Variants in XKR4 observed in about 807,000 individuals in gnomAD.
XKR4 encodes the protein XK related 4.
XKR4 carries 12 observed loss-of-function variants against 53.9 expected under a neutral mutation model. The observed-to-expected ratio is 0.22, with a 90% CI of 0.14 to 0.36. The LOEUF is 0.36. Among genes scored for constraint, XKR4 ranks in the 10% least tolerant of loss-of-function variants. XKR4 has a pLI of 1.00. For synonymous variants in XKR4, 354 were observed against 362.4 expected, an observed-to-expected ratio of 0.98 and a Z score of 0.26; for missense variants, 799 against 859.5, an observed-to-expected ratio of 0.93 and a Z score of 0.88.
At chr8:55,266,633 CA>C (rs1481421655) in intron 1 of XKR4, among the ~76,000 whole-genome samples, 1 of 152,044 alleles carries the variant, frequency 6.6e-6, no homozygotes, top group Non-Finnish European at 1.5e-5. Context: ...GCAACCTGTT[CA>C]AGTATGAGAT....
chr8:55,254,531 A>G (rs1818407641), intron 1 of XKR4, among the ~76,000 whole-genome samples: 1 of 152,140 alleles, frequency 6.6e-6, no homozygotes, highest in Non-Finnish European at 1.5e-5. Context: ...GGAACTCGTG[A>G]TCCTTTTTTT....
intron 1 of XKR4, among the ~76,000 whole-genome samples, chr8:55,193,163 G>A (rs560005199): frequency 1.3e-5 from 2 of 151,704 alleles, no homozygotes; most frequent in Non-Finnish European, 2.9e-5. Context: ...CCCATTACCC[G>A]TCGAACTGTG....
intron 2 of XKR4, among the ~76,000 whole-genome samples, chr8:55,485,492 A>T (rs112573620): frequency 1.2e-3 from 182 of 152,306 alleles, no homozygotes; most frequent in African/African-American, 4.2e-3. Context: ...TGAAATGTAA[A>T]ATATAATACT....
intron 1 of XKR4, among the ~76,000 whole-genome samples, chr8:55,221,919 G>C (rs574491623): frequency 6.6e-6 from 1 of 152,320 alleles, no homozygotes; most frequent in African/African-American, 2.4e-5. Flanking sequence ...CTCACCAGAG[G>C]TAGGACTAGA....
chr8:55,178,093 C>T (rs1817257130), intron 1 of XKR4, among the ~76,000 whole-genome samples: 1 of 152,188 alleles, frequency 6.6e-6, no homozygotes, highest in Non-Finnish European at 1.5e-5. Flanking sequence ...TCTGGTTTTT[C>T]CAAGGTCGCT....
chr8:55,201,353 G>A, intron 1 of XKR4, among the ~76,000 whole-genome samples: 1 of 152,210 alleles, frequency 6.6e-6, no homozygotes, highest in Non-Finnish European at 1.5e-5. Context: ...CAATAGGTAT[G>A]GTGACAGCCC....
At chr8:55,408,143 T>TA (rs1211117860) in intron 2 of XKR4, among the ~76,000 whole-genome samples, 1 of 152,072 alleles carries the variant, frequency 6.6e-6, no homozygotes, top group Non-Finnish European at 1.5e-5. Context: ...AGGCAATTAG[T>TA]AAAAAAGGGA....
intron 1 of XKR4, among the ~76,000 whole-genome samples, chr8:55,321,464 G>A (rs138504464): frequency 6.6e-6 from 1 of 152,224 alleles, no homozygotes; most frequent in East Asian, 1.9e-4. Context: ...CTCACGGAGG[G>A]TGTTACTGAG....
At chr8:55,509,476 A>G (rs532547728) in intron 2 of XKR4, among the ~76,000 whole-genome samples, 1 of 152,298 alleles carries the variant, frequency 6.6e-6, no homozygotes, top group South Asian at 2.1e-4. Flanking sequence ...GCCTTCCCAA[A>G]CAGAATTTTG....
chr8:55,311,829 C>CAAAAAAAAAAAAAAAAAAAAAA (rs57826022), intron 1 of XKR4, among the ~76,000 whole-genome samples: 2 of 98,608 alleles, frequency 2.0e-5, no homozygotes, highest in Non-Finnish European at 4.1e-5. Context: ...TGTAATTTAG[C>CAAAAAAAAAAAAAAAAAAAAAA]AAAAAAAAAA....
intron 1 of XKR4, among the ~76,000 whole-genome samples, chr8:55,277,398 T>C (rs1222331454): frequency 1.3e-5 from 2 of 152,220 alleles, no homozygotes; most frequent in Non-Finnish European, 2.9e-5. Context: ...CTAAAATGCT[T>C]GGGACCAAAA....
Position 55,287,910 on chromosome 8 carries a change from C to A in XKR4, c.807-69768C>A, listed in dbSNP as rs116872449. Among the ~76,000 whole-genome samples the A allele has an allele frequency of 9.8e-3, 1,499 of 152,326 alleles. 19 individuals are homozygous for A. Among genetic ancestry groups the A allele is most frequent in the Middle Eastern group, 0.031 (9 of 294 alleles). ...AATAAAGGAACTCTGACTATTAGAA[C>A]CTGACAGAATTTACTTTGCACAAGA... is the stretch of plus-strand genomic sequence containing the variant. On this transcript the variant is annotated intron_variant, in intron 1 of 2. Transcript: ENST00000327381.
intron 1 of XKR4, among the ~76,000 whole-genome samples, chr8:55,326,362 G>T (rs1803292628): frequency 6.6e-6 from 1 of 151,862 alleles, no homozygotes; most frequent in African/African-American, 2.4e-5. Flanking sequence ...TCTTGCAGAT[G>T]AAGAGTTTCA....
Position 55,229,026 on chromosome 8 carries a change from CA to C in XKR4, c.806+125734del, listed in dbSNP as rs538949414. Among the ~76,000 whole-genome samples, 462 of 152,252 alleles carry C rather than the reference CA, an allele frequency of 3.0e-3. 4 individuals are homozygous for C. The highest frequency in any genetic ancestry group is 0.011 in the African/African-American group (441 of 41,550). On this transcript the variant is annotated intron_variant, in intron 1 of 2. Coordinates refer to ENST00000327381, the MANE Select transcript of XKR4 (RefSeq NM_052898.2). Reference sequence around the variant, plus strand: ...AACAAACAAACAAAACAAAACAAAACAACAACAACAAAAATACTCCTTTGCA... The same window carrying C: ...AACAAACAAACAAAACAAAACAAAACACAACAACAAAAATACTCCTTTGCA...
chr8:55,529,535 A>C lies in XKR4; in HGVS notation c.*5308A>C, dbSNP rs971360299. 6.6e-6 allele frequency: 1 copy of C among 152,302 alleles called. No homozygotes were observed. The highest frequency in any genetic ancestry group is 1.9e-4 in the East Asian group (1 of 5,174). The allele number at this position is 152,302 out of a possible 1,614,324, so 9.4% of individuals were successfully genotyped here. On this transcript the variant is annotated 3_prime_UTR_variant, in exon 3 of 3. Coordinates refer to ENST00000327381, the MANE Select transcript of XKR4 (RefSeq NM_052898.2). The stretch of plus-strand genomic sequence containing the variant: ...GAGCTGTATCTATGTGGTTTCATTT[A>C]GTCCTCACTGCCATCTGTGAGTTAA...
chr8:55,468,176 A>G (rs1805810773), intron 2 of XKR4, among the ~76,000 whole-genome samples: 1 of 152,134 alleles, frequency 6.6e-6, no homozygotes, highest in East Asian at 1.9e-4. Flanking sequence ...TCTGATTGTT[A>G]TGTAAACCAA....
chr8:55,164,784 A>G (rs1817042185), intron 1 of XKR4: 1 of 138,292 alleles, frequency 7.2e-6, no homozygotes, highest in Admixed American at 8.4e-5. Flanking sequence ...AAGTTCACAC[A>G]CACATACACA....
At chr8:55,298,130 C>T (rs937403957) in intron 1 of XKR4, among the ~76,000 whole-genome samples, 11 of 151,882 alleles carry the variant, frequency 7.2e-5, no homozygotes, top group South Asian at 6.3e-4. Flanking sequence ...TTAGCTCTTA[C>T]GTACCAAAAA....
chr8:55,451,162 C>G, intron 2 of XKR4: 1 of 535,358 alleles, frequency 1.9e-6, no homozygotes, highest in Admixed American at 3.4e-5. Flanking sequence ...GGGTCGGGGG[C>G]CGGGGGACAC....
Sources: allele counts gnomAD v4.1 joint callset (sites outside exome capture counted in the v4.1 genomes callset), GRCh38; gene constraint gnomAD v4.1.1; transcripts MANE v1.5; gene names NCBI Gene and HGNC (gene_info 2026-07-23, HGNC 2026-07-21).